CEMIP: variants seen among roughly 807,000 people sequenced by gnomAD.
CEMIP encodes the protein cell migration-inducing and hyaluronan-binding protein.
A neutral mutation model predicts 156.9 loss-of-function variants in CEMIP; 105 were observed. The ratio of observed to expected loss-of-function variants is 0.67; its 90% CI spans 0.57 to 0.79. The LOEUF (loss-of-function observed/expected upper bound fraction) is 0.79, where lower values mean the gene tolerates loss of function less well. Ranked by LOEUF, CEMIP falls within the 30% of genes least tolerant of loss-of-function variation. CEMIP has a pLI of 0.00. For missense variants in CEMIP, 1,457 were observed against 1,769.4 expected (o/e 0.82, Z 3.17); for synonymous variants, 676 against 668.4 (o/e 1.01, Z -0.17).
chr15:80,840,641 G>A (rs1392835889), intron 1 of CEMIP, among the ~76,000 whole-genome samples: 1 of 152,314 alleles, frequency 6.6e-6, no homozygotes, highest in East Asian at 1.9e-4. Context: ...CACACTGCTG[G>A]ACTGCTGGGT....
In CEMIP at chr15:80,909,249, C is replaced by G; in HGVS notation, c.1740C>G (p.Leu580=). The change falls in exon 14 of 30, where the codon CTC becomes CTG. Residue 580 remains leucine, a synonymous_variant. Coordinates refer to ENST00000394685, the MANE Select transcript of CEMIP (RefSeq NM_001293298.2). ...GYDPPTYIRD[L]SIHHTFSRCV... ...ACCCACCCACATACATCAGGGACCTCTCCATCCATCATACATTCTCTCGCT... is the reference window on the plus strand; with the variant it reads ...ACCCACCCACATACATCAGGGACCTGTCCATCCATCATACATTCTCTCGCT... The G allele has an allele frequency of 6.2e-7, 1 of 1,614,138 alleles. No individual in the cohort carries two copies. The highest frequency in any genetic ancestry group is 1.6e-4 in the Middle Eastern group (1 of 6,062).
At chr15:80,781,405 T>C (rs1324377658) in intron 1 of CEMIP, among the ~76,000 whole-genome samples, 1 of 152,206 alleles carries the variant, frequency 6.6e-6, no homozygotes, top group East Asian at 1.9e-4. Context: ...GGCTCCTTTT[T>C]AGCCCAGTAG....
At chr15:80,920,069 A>C in intron 14 of CEMIP, 25 bp from the exon 15 acceptor site, 1 of 1,612,386 alleles carries the variant, frequency 6.2e-7, no homozygotes, top group Non-Finnish European at 8.5e-7. Flanking sequence ...TGCTTGGTGA[A>C]ACACCCCTGT....
At chr15:80,934,446 T>G (rs185608772) in intron 23 of CEMIP, among the ~76,000 whole-genome samples, 253 of 152,326 alleles carry the variant, frequency 1.7e-3, no homozygotes, top group African/African-American at 5.9e-3. Context: ...ATATTATTGT[T>G]ACTTCTAGTA....
intron 1 of CEMIP, among the ~76,000 whole-genome samples, chr15:80,781,841 T>C (rs147063409): frequency 2.8e-4 from 42 of 152,332 alleles, no homozygotes; most frequent in African/African-American, 9.9e-4. Context: ...GAAATCGTTT[T>C]AAATGGTAGC....
intron 5 of CEMIP, among the ~76,000 whole-genome samples, chr15:80,880,556 T>A (rs1898616030): frequency 1.3e-5 from 2 of 152,162 alleles, no homozygotes; most frequent in Non-Finnish European, 2.9e-5. Context: ...GTGCCTCAGC[T>A]TCCCAAATAG....
intron 10 of CEMIP, among the ~76,000 whole-genome samples, chr15:80,891,002 C>T (rs1260243421): frequency 6.6e-6 from 1 of 152,240 alleles, no homozygotes; most frequent in Non-Finnish European, 1.5e-5. Flanking sequence ...TCCCCCACAG[C>T]ACATTCTTTC....
At chr15:80,903,643 TC>T (rs1899667554) in intron 12 of CEMIP, among the ~76,000 whole-genome samples, 2 of 152,082 alleles carry the variant, frequency 1.3e-5, no homozygotes, top group African/African-American at 4.8e-5. Context: ...CTCTTTGCCA[TC>T]CCCTGCCTGG....
chr15:80,926,821 G>GC (rs1352207316), intron 19 of CEMIP, among the ~76,000 whole-genome samples: 2 of 108,772 alleles, frequency 1.8e-5, no homozygotes, highest in African/African-American at 1.0e-4. Context: ...TGAGCGGGTG[G>GC]GGGGGGGGGG....
At chr15:80,931,776 G>A (rs1488735898) in intron 21 of CEMIP, 83 bp from the exon 22 acceptor site, 10 of 1,385,508 alleles carry the variant, frequency 7.2e-6, no homozygotes, top group Non-Finnish European at 1.0e-5. Context: ...GGCAAACATG[G>A]CGTTTAGACT....
At position 80,859,830 on chromosome 15, in the gene CEMIP, T is replaced by C. The variant is rs115278463; in HGVS notation, c.-175-13708T>C. ...TTGGTGGAGAGAAGTAAACACGTTT[T>C]CCCCTTTCTGCTGTACCTCTAGAAG... is the stretch of plus-strand genomic sequence containing the variant. On this transcript the variant is annotated intron_variant, in intron 1 of 29. Transcript: ENST00000394685. Among the ~76,000 whole-genome samples, 564 of 152,280 alleles carry C rather than the reference T, an allele frequency of 3.7e-3. 2 individuals are homozygous for C. Among genetic ancestry groups the C allele is most frequent in the African/African-American group, 0.013 (531 of 41,550 alleles).
chr15:80,857,173 C>T (rs982803900), intron 1 of CEMIP, among the ~76,000 whole-genome samples: 1 of 152,210 alleles, frequency 6.6e-6, no homozygotes, highest in African/African-American at 2.4e-5. Context: ...GCAAACATTC[C>T]CTGTCTCTGC....
intron 27 of CEMIP, among the ~76,000 whole-genome samples, 182 bp downstream of exon 27, chr15:80,942,519 C>G (rs1170801093): frequency 6.6e-6 from 1 of 152,124 alleles, no homozygotes; most frequent in Non-Finnish European, 1.5e-5. Context: ...TGGCTGCCAG[C>G]ACTCCTGAGC....
chr15:80,907,343 A>G (rs1017386630), intron 13 of CEMIP, among the ~76,000 whole-genome samples: 1 of 152,244 alleles, frequency 6.6e-6, no homozygotes, highest in African/African-American at 2.4e-5. Flanking sequence ...CGGGTGGATC[A>G]CCTGAGGTCA....
intron 12 of CEMIP, chr15:80,900,839 C>G (rs950007479): frequency 9.3e-6 from 4 of 430,058 alleles, no homozygotes; most frequent in East Asian, 1.5e-4. Context: ...CCTAGGGACA[C>G]AGCTATCTCT....
At chr15:80,858,336 GA>G (rs1462883114) in intron 1 of CEMIP, among the ~76,000 whole-genome samples, 1 of 152,100 alleles carries the variant, frequency 6.6e-6, no homozygotes, top group Non-Finnish European at 1.5e-5. Flanking sequence ...TACAATTGAG[GA>G]AAATAAGTAT....
At chr15:80,900,585 G>T (rs904764956) in intron 12 of CEMIP, among the ~76,000 whole-genome samples, 1 of 74,932 alleles carries the variant, frequency 1.3e-5, no homozygotes, top group African/African-American at 5.7e-5. Flanking sequence ...CCCAGGTAGG[G>T]GTGTGTGTGT....
intron 1 of CEMIP, among the ~76,000 whole-genome samples, chr15:80,827,823 CTG>C (rs943195621): frequency 6.6e-6 from 1 of 152,166 alleles, no homozygotes; most frequent in Admixed American, 6.5e-5. Flanking sequence ...TCCCTCAAAA[CTG>C]TGGAATTCCC....
chr15:80,887,212 G>A (rs6495529), intron 7 of CEMIP, among the ~76,000 whole-genome samples: 40,272 of 151,904 alleles, frequency 0.27, 5,757 homozygotes, highest in East Asian at 0.43. Context: ...TCCTTTCCAC[G>A]GCCCAAGGCA....
Sources: allele counts gnomAD v4.1 joint callset (sites outside exome capture counted in the v4.1 genomes callset), GRCh38; gene constraint gnomAD v4.1.1; transcripts MANE v1.5; gene names NCBI Gene and HGNC (gene_info 2026-07-23, HGNC 2026-07-21).